MCM6: variants seen among roughly 807,000 people sequenced by gnomAD.
The protein encoded by MCM6 is DNA replication licensing factor MCM6.
MCM6 carries 46 observed loss-of-function variants against 94.3 expected under a neutral mutation model. The observed-to-expected ratio is 0.49, with a 90% CI of 0.39 to 0.62. The LOEUF is 0.62. Among genes scored for constraint, MCM6 ranks in the 20% least tolerant of loss-of-function variants. The pLI is 0.00. For synonymous variants in MCM6, 335 were observed against 351.9 expected (o/e 0.95, Z 0.54); for missense variants, 865 against 1,017.9 (o/e 0.85, Z 2.04).
chr2:135,865,663 G>C (rs1455205454), intron 6 of MCM6, among the ~76,000 whole-genome samples: 2 of 152,028 alleles, frequency 1.3e-5, no homozygotes, highest in Non-Finnish European at 2.9e-5. Flanking sequence ...AAACAGCGTG[G>C]ATAATTTGTA....
In MCM6 at chr2:135,864,941, G is replaced by A. The variant is rs936285733; in HGVS notation, c.1078+72C>T. The A allele has an allele frequency of 9.2e-6, 11 of 1,200,552 alleles. No homozygotes were observed. The African/African-American group carries it at 1.2e-4, about 14-fold the overall frequency. 74.4% of individuals were successfully genotyped at this position (1,200,552 alleles called of 1,614,324 possible). ...TCACAGTCTGATTTATGTGCTTTCA[G>A]AAATCACCTGTGGCTGTTTATAATC... On this transcript the variant is annotated intron_variant, in intron 7 of 16. Coordinates refer to ENST00000264156, the MANE Select transcript of MCM6 (RefSeq NM_005915.6).
intron 10 of MCM6, 21 bp from the exon 11 acceptor site, chr2:135,856,904 C>A (rs1679901705): frequency 1.2e-6 from 2 of 1,601,094 alleles, no homozygotes; most frequent in Non-Finnish European, 1.7e-6. Context: ...AAGAAAGAAT[C>A]TTAACAGATT....
intron 16 of MCM6, 70 bp downstream of exon 16, chr2:135,844,475 T>C: frequency 7.5e-7 from 1 of 1,333,366 alleles, no homozygotes; most frequent in Non-Finnish European, 9.7e-7. Context: ...ATTTCACTAG[T>C]GAACCTGCAG....
intron 13 of MCM6, among the ~76,000 whole-genome samples, chr2:135,850,618 A>T (rs906452042): frequency 2.6e-5 from 4 of 152,224 alleles, no homozygotes; most frequent in Non-Finnish European, 4.4e-5. Flanking sequence ...AAAGCCAAAA[A>T]ATTAACCTGT....
intron 12 of MCM6, 40 bp downstream of exon 12, chr2:135,852,747 T>C (rs1183828589): frequency 7.5e-7 from 1 of 1,341,814 alleles, no homozygotes; most frequent in Admixed American, 2.9e-5. Flanking sequence ...CACTTTAATA[T>C]ACCCATTATA....
chr2:135,859,461 T>C lies in MCM6; in HGVS notation c.1221-19A>G. ...CACGTGCCTGTTCAAGGTTATCACA[T>C]AAAGACTCATTAATATGTGATTATA... On this transcript the variant is annotated intron_variant, in intron 8 of 16. Coordinates refer to ENST00000264156, the MANE Select transcript of MCM6 (RefSeq NM_005915.6). 3 of 1,578,148 alleles carry C rather than the reference T, an allele frequency of 1.9e-6. No homozygotes were observed. Among genetic ancestry groups the C allele is most frequent in the Non-Finnish European group, 2.6e-6 (3 of 1,159,242 alleles).
In MCM6 at chr2:135,840,927, G is replaced by T. The variant is rs2105568549; in HGVS notation, c.2374C>A (p.Gln792Lys). 6.2e-7 allele frequency: 1 copy of T among 1,613,950 alleles called. No individual in the cohort carries two copies. The highest frequency in any genetic ancestry group is 2.2e-5 in the East Asian group (1 of 44,884). Reference sequence around the variant, plus strand: ...TCTGTGGAGCCTTTCAATCCAGCCTGGGTGAGCTCAATTAGAACATGATCC... The same window carrying T: ...TCTGTGGAGCCTTTCAATCCAGCCTTGGTGAGCTCAATTAGAACATGATCC... ...HYDHVLIELTQAGLKGSTEGS... is the reference protein window; with the variant it reads ...HYDHVLIELTKAGLKGSTEGS... The change falls in exon 17 of 17, where the codon CAG (glutamine) becomes AAG (lysine). Residue 792 changes from glutamine to lysine, a missense_variant. This residue lies in a region of MCM6 where 308 missense variants were observed against 324.5 expected (regional missense o/e 0.95). Coordinates refer to ENST00000264156, the MANE Select transcript of MCM6 (RefSeq NM_005915.6).
Position 135,870,279 on chromosome 2 carries a change from C to A in MCM6, c.337G>T (p.Ala113Ser). 1 of 1,613,634 alleles carries A rather than the reference C, an allele frequency of 6.2e-7. No individual in the cohort carries two copies. The highest frequency in any genetic ancestry group is 8.5e-7 in the Non-Finnish European group (1 of 1,179,666). ...EIPLAKDFYVAFQDLPTRHKI... is the reference protein window; with the variant it reads ...EIPLAKDFYVSFQDLPTRHKI... ...TGTCTGGTAGGCAGGTCTTGGAATG[C>A]AACATAAAAATCCTTGGCAAGAGGG... Residue 113 changes from alanine (A) to serine (S), a missense_variant, in exon 3 of 17, where the codon GCA becomes TCA. Transcript: ENST00000264156.
Position 135,857,882 on chromosome 2 carries a change from G to C in MCM6, c.1470+15C>G. On this transcript the variant is annotated intron_variant, in intron 10 of 16. Transcript: ENST00000264156. Reference sequence around the variant, plus strand: ...CTATGGACGATGCAGCAGAACAGAAGTAGATAACACATACCTTCACTCCTG... The same window carrying C: ...CTATGGACGATGCAGCAGAACAGAACTAGATAACACATACCTTCACTCCTG... 1 of 1,602,374 alleles carries C rather than the reference G, an allele frequency of 6.2e-7. No homozygotes were observed.
chr2:135,875,225 G>A (rs922295563), intron 1 of MCM6, among the ~76,000 whole-genome samples: 1 of 152,278 alleles, frequency 6.6e-6, no homozygotes, highest in Admixed American at 6.5e-5. Context: ...TTAGCCGGGC[G>A]TGGTGGCGCA....
At chr2:135,870,927 T>G (rs1273817814) in intron 2 of MCM6, among the ~76,000 whole-genome samples, 2 of 152,100 alleles carry the variant, frequency 1.3e-5, no homozygotes, top group Non-Finnish European at 2.9e-5. Flanking sequence ...TTTGTGGGGT[T>G]TTTTTTGTAG....
At position 135,848,091 on chromosome 2, in the gene MCM6, A is replaced by C; in HGVS notation, c.2015T>G (p.Ile672Ser). 1 of 1,612,180 alleles carries C rather than the reference A, an allele frequency of 6.2e-7. No homozygotes were observed. The highest frequency in any genetic ancestry group is 8.5e-7 in the Non-Finnish European group (1 of 1,178,350). The change falls in exon 14 of 17, where the codon ATC becomes AGC. Residue 672 changes from isoleucine (I) to serine (S), a missense_variant. Coordinates refer to ENST00000264156, the MANE Select transcript of MCM6 (RefSeq NM_005915.6). ...AGCACCCTCATCTACCTCCATCTGG[A>C]TCTCTTCCTCTTGATCTAGATTGAC... ...PDVNLDQEEEIQMEVDEGAGG... is the reference protein window; with the variant it reads ...PDVNLDQEEESQMEVDEGAGG...
At chr2:135,844,768 A>G (rs559383317) in intron 15 of MCM6, 84 bp from the exon 16 acceptor site, 81 of 1,356,160 alleles carry the variant, frequency 6.0e-5, no homozygotes, top group Non-Finnish European at 7.7e-5. Flanking sequence ...ATACAACGAG[A>G]TAATGTACAG....
chr2:135,849,452 T>C (rs978397995), intron 13 of MCM6, among the ~76,000 whole-genome samples: 3 of 152,236 alleles, frequency 2.0e-5, no homozygotes, highest in African/African-American at 7.2e-5. Context: ...GATACGTTAC[T>C]GAATAGGAAA....
At chr2:135,856,686 A>G (rs1575362493) in intron 11 of MCM6, 42 bp downstream of exon 11, 1 of 1,600,050 alleles carries the variant, frequency 6.2e-7, no homozygotes, top group Non-Finnish European at 8.5e-7. Context: ...GTCTCACTCG[A>G]TTACTCCAAC....
rs761800905 is a variant in MCM6, at chr2:135,856,877, G to C, written c.1477C>G (p.Leu493Val). 11 of 1,612,044 alleles carry C rather than the reference G, an allele frequency of 6.8e-6. No individual in the cohort carries two copies. Among genetic ancestry groups the C allele is most frequent in the Non-Finnish European group, 8.5e-6 (10 of 1,179,350 alleles). ...SITKAGVKAT[L>V]NARTSILAAA... ...GCCAAAATGGACGTCCGGGCGTTCA[G>C]AGTAGCCTGACCACAAAAGAAAGAA... The change falls in exon 11 of 17, where the codon CTG becomes GTG. Residue 493 changes from leucine to valine, a missense_variant. Transcript: ENST00000264156.
rs376760086 is a variant in MCM6 at position 135,859,331 on chromosome 2, A to C, written c.1332T>G (p.Ile444Met). The C allele has an allele frequency of 6.2e-7, 1 of 1,613,816 alleles. No individual in the cohort carries two copies. Among genetic ancestry groups the C allele is most frequent in the East Asian group, 2.2e-5 (1 of 44,878 alleles). Residue 444 changes from isoleucine (I) to methionine (M), a missense_variant, in exon 9 of 17, where the codon ATT becomes ATG. Around this residue, in one of 3 missense-constraint regions of MCM6, gnomAD observed 153 missense variants for 241.5 expected, o/e 0.63. Transcript: ENST00000264156. The part of the protein sequence containing the change: ...VRDEESHEFV[I>M]EAGALMLADN... ...CAGCCAACATCAAAGCTCCAGCCTC[A>C]ATGACAAACTCATGAGATTCTTCAT...
Position 135,856,782 on chromosome 2 carries a change from A to G in MCM6, c.1572T>C (p.Ala524=). The G allele has an allele frequency of 6.2e-7, 1 of 1,614,196 alleles. No homozygotes were observed. Among genetic ancestry groups the G allele is most frequent in the Non-Finnish European group, 8.5e-7 (1 of 1,180,026 alleles). Residue 524 remains alanine (A), a synonymous_variant, in exon 11 of 17, where the codon GCT becomes GCC. Coordinates refer to ENST00000264156, the MANE Select transcript of MCM6 (RefSeq NM_005915.6). ...AGAGATCGAATCGGGACATGATGGGAGCTGACAAATTTATATTCTGTTTCA... is the reference window on the plus strand; with the variant it reads ...AGAGATCGAATCGGGACATGATGGGGGCTGACAAATTTATATTCTGTTTCA... ...KSLKQNINLS[A]PIMSRFDLFF... is the part of the protein sequence containing the mutation.
intron 15 of MCM6, among the ~76,000 whole-genome samples, chr2:135,845,952 G>A (rs1185222537): frequency 6.6e-6 from 1 of 152,150 alleles, no homozygotes; most frequent in African/African-American, 2.4e-5. Flanking sequence ...AAAAACATTT[G>A]TATGTGCTGC....
Sources: gnomAD v4.1 joint callset for allele counts (sites outside exome capture counted in the v4.1 genomes callset) on GRCh38, gnomAD v4.1.1 for gene constraint, gnomAD v4.1.1 regional missense constraint, MANE v1.5 for transcripts, NCBI Gene and HGNC (gene_info 2026-07-23, HGNC 2026-07-21) for gene names.